Variants in DDR2 observed in about 807,000 individuals in gnomAD.
The protein encoded by DDR2 is discoidin domain-containing receptor 2.
DDR2 carries 27 observed loss-of-function variants against 94.9 expected under a neutral mutation model. The ratio of observed to expected loss-of-function variants is 0.28; its 90% CI spans 0.21 to 0.39. The LOEUF (loss-of-function observed/expected upper bound fraction) is 0.39. Among genes scored for constraint, DDR2 ranks in the 10% least tolerant of loss-of-function variants. The pLI is 1.00. For synonymous variants in DDR2, 382 were observed against 377.2 expected (o/e 1.01, Z -0.15); for missense variants, 783 against 1,076.0 (o/e 0.73, Z 3.81).
intron 2 of DDR2, among the ~76,000 whole-genome samples, chr1:162,718,336 T>C (rs1269949931): frequency 6.6e-6 from 1 of 152,218 alleles, no homozygotes; most frequent in Non-Finnish European, 1.5e-5. Flanking sequence ...AATCAAGATC[T>C]GAGCACTAGG....
intron 2 of DDR2, among the ~76,000 whole-genome samples, chr1:162,692,375 A>T (rs1274436733): frequency 1.3e-5 from 2 of 152,260 alleles, no homozygotes; most frequent in African/African-American, 4.8e-5. Flanking sequence ...AAGAAAGGAA[A>T]AGGCAAACAA....
chr1:162,689,851 A>AAAAAAAAAAAAAT (rs1659883463), intron 2 of DDR2, among the ~76,000 whole-genome samples: 4 of 137,132 alleles, frequency 2.9e-5, no homozygotes, highest in African/African-American at 1.0e-4. Flanking sequence ...TTAAAAAAAA[A>AAAAAAAAAAAAAT]AAAAAAAAAA....
intron 3 of DDR2, among the ~76,000 whole-genome samples, chr1:162,751,298 G>GA (rs900048238): frequency 1.3e-5 from 2 of 151,642 alleles, no homozygotes; most frequent in African/African-American, 4.8e-5. Context: ...ACATTTATAA[G>GA]AAAAAAAATC....
chr1:162,697,668 G>A (rs377619719), intron 2 of DDR2, among the ~76,000 whole-genome samples: 27 of 152,296 alleles, frequency 1.8e-4, no homozygotes, highest in African/African-American at 5.3e-4. Context: ...TGTTTAAACA[G>A]CTCCAGTTGT....
At chr1:162,720,187 A>G (rs926312906) in intron 3 of DDR2, among the ~76,000 whole-genome samples, 6 of 152,100 alleles carry the variant, frequency 3.9e-5, no homozygotes, top group African/African-American at 1.4e-4. Context: ...TGAACATGGA[A>G]AAGTATACAG....
intron 2 of DDR2, among the ~76,000 whole-genome samples, chr1:162,688,731 C>G (rs1392473738): frequency 6.6e-6 from 1 of 152,196 alleles, no homozygotes; most frequent in Non-Finnish European, 1.5e-5. Flanking sequence ...AATCCACAAA[C>G]TGTCCTGGGT....
At chr1:162,636,570 G>A (rs1354558679) in intron 1 of DDR2, among the ~76,000 whole-genome samples, 11 of 152,296 alleles carry the variant, frequency 7.2e-5, no homozygotes, top group Admixed American at 1.3e-4. Context: ...CTTCAGATGC[G>A]TGATGTAGTG....
At chr1:162,650,152 G>A (rs1221305798) in intron 1 of DDR2, among the ~76,000 whole-genome samples, 2 of 151,958 alleles carry the variant, frequency 1.3e-5, no homozygotes. Context: ...GTTCAAATGT[G>A]GATCTCTAAG....
At chr1:162,698,102 T>A (rs1571212734) in intron 2 of DDR2, among the ~76,000 whole-genome samples, 1 of 152,234 alleles carries the variant, frequency 6.6e-6, no homozygotes, top group East Asian at 1.9e-4. Flanking sequence ...TCTGCTTATC[T>A]ATCTGCAGCA....
rs1291291696 is a variant in DDR2 at position 162,780,808 on chromosome 1, T to C, written c.*562T>C. 3 of 155,036 alleles carry C rather than the reference T, an allele frequency of 1.9e-5. No individual in the cohort carries two copies. Among genetic ancestry groups the C allele is most frequent in the African/African-American group, 7.2e-5 (3 of 41,440 alleles). The allele number at this position is 155,036 out of a possible 1,614,324, so 9.6% of individuals were successfully genotyped here. On this transcript the variant is annotated 3_prime_UTR_variant, in exon 18 of 18. Transcript: ENST00000367921. Reference sequence around the variant, plus strand: ...TATTTCTCTCTCCTGTCAAAGTGAATGATATATTCTTGAAAACCCCCAATT... The same window carrying C: ...TATTTCTCTCTCCTGTCAAAGTGAACGATATATTCTTGAAAACCCCCAATT...
intron 3 of DDR2, among the ~76,000 whole-genome samples, chr1:162,727,862 T>C (rs917503467): frequency 8.0e-5 from 12 of 149,080 alleles, no homozygotes; most frequent in East Asian, 5.8e-4. Flanking sequence ...GTGTCCAAAC[T>C]ACTGAAAAAT....
At chr1:162,673,141 A>C (rs1218816683) in intron 2 of DDR2, among the ~76,000 whole-genome samples, 1 of 152,230 alleles carries the variant, frequency 6.6e-6, no homozygotes, top group Non-Finnish European at 1.5e-5. Context: ...ATGTACTTCC[A>C]AATTCTTTCC....
At chr1:162,682,415 G>C (rs967089857) in intron 2 of DDR2, among the ~76,000 whole-genome samples, 5 of 152,214 alleles carry the variant, frequency 3.3e-5, no homozygotes, top group African/African-American at 1.2e-4. Flanking sequence ...GTCAGGCCAG[G>C]GGCCTGACCA....
intron 2 of DDR2, among the ~76,000 whole-genome samples, chr1:162,689,875 G>A (rs914561870): frequency 1.1e-5 from 1 of 89,790 alleles, no homozygotes; most frequent in African/African-American, 3.7e-5. Context: ...AAATAGCCAG[G>A]TGTGGTGGTG....
rs189287297 is a variant in DDR2, at chr1:162,704,430, A to G, written c.-27-14607A>G. On this transcript the variant is annotated intron_variant, in intron 2 of 17. Transcript: ENST00000367921. ...CATGCTCTTCACCCTGATTTGACAC[A>G]TACCAACATCAAATAACTATCTACT... Among the ~76,000 whole-genome samples, 136 of 152,344 alleles carry G rather than the reference A, an allele frequency of 8.9e-4. 1 individual carries two copies. Among genetic ancestry groups the G allele is most frequent in the African/African-American group, 3.2e-3 (131 of 41,576 alleles).
intron 2 of DDR2, among the ~76,000 whole-genome samples, chr1:162,679,487 C>CT (rs200347019): frequency 0.048 from 7,348 of 152,222 alleles, 221 homozygotes; most frequent in South Asian, 0.085. Flanking sequence ...TGATCTCATT[C>CT]TTTTTTATGG....
chr1:162,680,994 G>A (rs1176474542), intron 2 of DDR2, among the ~76,000 whole-genome samples: 1 of 152,130 alleles, frequency 6.6e-6, no homozygotes, highest in East Asian at 1.9e-4. Flanking sequence ...ATCGACGTCT[G>A]CTTGTTTTTG....
At chr1:162,681,478 T>C (rs201873098) in intron 2 of DDR2, among the ~76,000 whole-genome samples, 3 of 152,244 alleles carry the variant, frequency 2.0e-5, no homozygotes, top group East Asian at 3.9e-4. Flanking sequence ...GGTGGTAAGA[T>C]AGGGTTGTAG....
At chr1:162,653,341 C>T (rs908843112) in intron 1 of DDR2, among the ~76,000 whole-genome samples, 2 of 152,122 alleles carry the variant, frequency 1.3e-5, no homozygotes, top group East Asian at 3.9e-4. Flanking sequence ...CTTTGGGAGG[C>T]CAAGGTGAGT....
Sources: allele counts gnomAD v4.1 joint callset (sites outside exome capture counted in the v4.1 genomes callset), GRCh38; gene constraint gnomAD v4.1.1; transcripts MANE v1.5; gene names NCBI Gene and HGNC (gene_info 2026-07-23, HGNC 2026-07-21).